Variants in ARSK observed in about 807,000 individuals in gnomAD.
ARSK encodes arylsulfatase K.
Under a neutral mutation model 53.2 loss-of-function variants are expected in ARSK, and 37 were observed. The observed-to-expected ratio is 0.70, with a 90% CI of 0.54 to 0.92. The LOEUF (loss-of-function observed/expected upper bound fraction) is 0.92. Ranked by LOEUF, ARSK falls within the 40% of genes least tolerant of loss-of-function variation. ARSK has a pLI of 0.00. For missense variants in ARSK, 613 were observed against 643.0 expected (o/e 0.95, Z 0.51); for synonymous variants, 208 against 223.2 (o/e 0.93, Z 0.61).
At chr5:95,575,321 T>C (rs79034858) in intron 3 of ARSK, among the ~76,000 whole-genome samples, 3,505 of 152,162 alleles carry the variant, frequency 0.023, 100 homozygotes, top group African/African-American at 0.065. Flanking sequence ...TAGCTTGGAC[T>C]ACGCTGGGTT....
chr5:95,597,804 G>A (rs971879716), intron 6 of ARSK, among the ~76,000 whole-genome samples: 11 of 151,356 alleles, frequency 7.3e-5, no homozygotes, highest in Non-Finnish European at 1.3e-4. Context: ...TGAGGCAGGA[G>A]AATCACTTGA....
chr5:95,600,927 C>T lies in ARSK; in HGVS notation c.1177C>T (p.His393Tyr). The change falls in exon 7 of 8, where the codon CAT (histidine) becomes TAT (tyrosine). Residue 393 changes from histidine (H) to tyrosine (Y), a missense_variant. Coordinates refer to ENST00000380009, the MANE Select transcript of ARSK (RefSeq NM_198150.3). ...ATCATCAGAAACATTTAAGAATGAA[C>T]ATAAAGTCAAAAACCTGCATCCACC... ...PLSSETFKNE[H>Y]KVKNLHPPWI... The T allele has an allele frequency of 1.2e-6, 2 of 1,614,034 alleles. No individual in the cohort carries two copies. Among genetic ancestry groups the T allele is most frequent in the Non-Finnish European group, 1.7e-6 (2 of 1,179,944 alleles).
At chr5:95,564,894 C>T (rs893913202) in intron 1 of ARSK, among the ~76,000 whole-genome samples, 2 of 152,092 alleles carry the variant, frequency 1.3e-5, no homozygotes, top group East Asian at 3.8e-4. Context: ...TTTAATCTCA[C>T]AGTTTTCAAA....
chr5:95,567,506 A>G (rs1262849873), intron 2 of ARSK, among the ~76,000 whole-genome samples: 2 of 152,228 alleles, frequency 1.3e-5, no homozygotes, highest in African/African-American at 4.8e-5. Context: ...AAGATCCTTA[A>G]GGATGTTGGG....
At chr5:95,597,983 G>A (rs888601774) in intron 6 of ARSK, among the ~76,000 whole-genome samples, 1 of 151,958 alleles carries the variant, frequency 6.6e-6, no homozygotes, top group Non-Finnish European at 1.5e-5. Context: ...TGTTAGATAT[G>A]GTTATCATTA....
In ARSK at chr5:95,582,804, A is replaced by G; in HGVS notation, c.417-112A>G. The G allele has an allele frequency of 1.9e-6, 2 of 1,044,714 alleles. 1 individual carries two copies. Among genetic ancestry groups the G allele is most frequent in the South Asian group, 4.7e-5 (2 of 42,650 alleles). The allele number at this position is 1,044,714 out of a possible 1,614,324, so 64.7% of individuals were successfully genotyped here. Reference sequence around the variant, plus strand: ...TCTAATATAGTTATTCTGAACATTTACAAGACTGAGTCTAAAAATTGTTTT... The same window carrying G: ...TCTAATATAGTTATTCTGAACATTTGCAAGACTGAGTCTAAAAATTGTTTT... On this transcript the variant is annotated intron_variant, in intron 3 of 7. Transcript: ENST00000380009.
intron 1 of ARSK, among the ~76,000 whole-genome samples, chr5:95,564,337 C>G (rs748744236): frequency 2.8e-4 from 43 of 152,094 alleles, no homozygotes; most frequent in Admixed American, 5.2e-4. Flanking sequence ...TAGTTATTTG[C>G]TTAGCATTCA....
chr5:95,600,810 A>G (rs1193154302), intron 6 of ARSK, 37 bp from the exon 7 acceptor site: 2 of 1,536,462 alleles, frequency 1.3e-6, no homozygotes, highest in East Asian at 4.5e-5. Flanking sequence ...TAAAAGAATG[A>G]GCTATTTTAA....
intron 3 of ARSK, among the ~76,000 whole-genome samples, chr5:95,578,540 G>A (rs1478891960): frequency 1.3e-5 from 2 of 151,908 alleles, no homozygotes; most frequent in Non-Finnish European, 2.9e-5. Context: ...GATTTGCAAG[G>A]GCATTTTTCA....
chr5:95,577,231 G>A (rs797001939), intron 3 of ARSK, among the ~76,000 whole-genome samples: 41 of 152,116 alleles, frequency 2.7e-4, no homozygotes, highest in African/African-American at 9.6e-4. Flanking sequence ...GAAAAACAAA[G>A]GTTTACAAAA....
chr5:95,562,304 C>CA (rs1748650915), intron 1 of ARSK, among the ~76,000 whole-genome samples: 1 of 152,178 alleles, frequency 6.6e-6, no homozygotes, highest in Admixed American at 6.5e-5. Flanking sequence ...TCTGCATCCC[C>CA]ACTCCTACTC....
intron 6 of ARSK, 194 bp from the exon 7 acceptor site, chr5:95,600,653 A>G: frequency 1.4e-6 from 1 of 693,612 alleles, no homozygotes; most frequent in East Asian, 2.8e-5. Context: ...AGATAAGTAA[A>G]TTACTTGCTG....
chr5:95,603,331 C>G lies in ARSK; in HGVS notation c.1416C>G (p.Asn472Lys). Residue 472 changes from asparagine (N) to lysine (K), a missense_variant, in exon 8 of 8, where the codon AAC becomes AAG. By Grantham distance (94) the Asn-to-Lys change is moderately conservative. Transcript: ENST00000380009. The stretch of plus-strand genomic sequence containing the variant: ...ATCAGAAGCTTCATTCCATTATAAA[C>G]TACCCTAAAGTTTCTGCTTCTGTCC... ...SLDQKLHSIINYPKVSASVHQ... is the reference protein window; with the variant it reads ...SLDQKLHSIIKYPKVSASVHQ... 1.9e-6 allele frequency: 3 copies of G among 1,610,848 alleles called. No homozygotes were observed. Among genetic ancestry groups the G allele is most frequent in the Non-Finnish European group, 2.5e-6 (3 of 1,178,456 alleles).
At chr5:95,589,348 A>G (rs1749174779) in intron 5 of ARSK, among the ~76,000 whole-genome samples, 1 of 152,164 alleles carries the variant, frequency 6.6e-6, no homozygotes, top group African/African-American at 2.4e-5. Context: ...AAACGTGTGC[A>G]TAGGTAAAAG....
intron 7 of ARSK, 38 bp from the exon 8 acceptor site, chr5:95,603,199 G>T (rs1014576735): frequency 3.4e-6 from 5 of 1,466,990 alleles, no homozygotes; most frequent in South Asian, 1.5e-5. Context: ...TTTTTAGCAG[G>T]TCACTATTTT....
chr5:95,577,130 A>G (rs1454989904), intron 3 of ARSK, among the ~76,000 whole-genome samples: 4 of 152,202 alleles, frequency 2.6e-5, no homozygotes, highest in South Asian at 2.1e-4. Context: ...AGTAAATTCT[A>G]TTAACAACAG....
At chr5:95,578,958 A>T (rs1748975298) in intron 3 of ARSK, among the ~76,000 whole-genome samples, 1 of 152,192 alleles carries the variant, frequency 6.6e-6, no homozygotes, top group Non-Finnish European at 1.5e-5. Context: ...TTTCATTTGT[A>T]TTAGTGAGGA....
At chr5:95,559,420 G>A (rs565538238) in intron 1 of ARSK, among the ~76,000 whole-genome samples, 3 of 152,190 alleles carry the variant, frequency 2.0e-5, no homozygotes, top group Admixed American at 6.5e-5. Context: ...GCAAAGATTT[G>A]GTATCCTTGG....
chr5:95,560,852 C>T (rs912561021), intron 1 of ARSK, among the ~76,000 whole-genome samples: 47 of 147,714 alleles, frequency 3.2e-4, no homozygotes, highest in African/African-American at 1.1e-3. Flanking sequence ...TCACCCAGGC[C>T]GGAGTGCAGT....
Sources: gnomAD v4.1 joint callset for allele counts (sites outside exome capture counted in the v4.1 genomes callset) on GRCh38, gnomAD v4.1.1 for gene constraint, MANE v1.5 for transcripts, NCBI Gene and HGNC (gene_info 2026-07-23, HGNC 2026-07-21) for gene names.